SRPK2: variants seen among roughly 807,000 people sequenced by gnomAD.
SRPK2 encodes SFRS protein kinase 2.
In SRPK2, 21 loss-of-function variants were observed where a neutral mutation model predicts 90.8. The observed-to-expected ratio is 0.23, with a 90% CI of 0.16 to 0.33. The LOEUF (loss-of-function observed/expected upper bound fraction) is 0.33, where lower values mean the gene tolerates loss of function less well. Among genes scored for constraint, SRPK2 ranks in the 10% least tolerant of loss-of-function variants. SRPK2 has a pLI of 1.00. For missense variants in SRPK2, 620 were observed against 869.0 expected (o/e 0.71, Z 3.60); for synonymous variants, 288 against 311.1 (o/e 0.93, Z 0.78).
intron 2 of SRPK2, among the ~76,000 whole-genome samples, chr7:105,284,131 C>A (rs1187751285): frequency 2.0e-5 from 3 of 151,898 alleles, no homozygotes; most frequent in Non-Finnish European, 4.4e-5. Context: ...GGATAAGAAA[C>A]CGGGGCGGTC....
Position 105,129,478 on chromosome 7 carries a change from G to A in SRPK2, c.1753-2416C>T, listed in dbSNP as rs143342390. On this transcript the variant is annotated intron_variant, in intron 13 of 15. Coordinates refer to ENST00000393651, the MANE Select transcript of SRPK2 (RefSeq NM_182692.3). ...CAACCTCTGCCTCCTGGGTTCAAGC[G>A]ATTCTCCTGCCTCAGCCACCTGAGT... 9.5e-3 allele frequency among the ~76,000 whole-genome samples: 1,451 copies of A among 152,046 alleles called. 11 individuals carry two copies. The highest frequency in any genetic ancestry group is 0.034 in the Middle Eastern group (10 of 292).
intron 2 of SRPK2, among the ~76,000 whole-genome samples, chr7:105,339,317 T>G (rs1222940338): frequency 6.6e-6 from 1 of 152,204 alleles, no homozygotes; most frequent in Non-Finnish European, 1.5e-5. Flanking sequence ...AAACTAGTTT[T>G]GGGGTTCTTA....
At chr7:105,308,837 A>T (rs1310535502) in intron 2 of SRPK2, among the ~76,000 whole-genome samples, 1 of 152,148 alleles carries the variant, frequency 6.6e-6, no homozygotes, top group Non-Finnish European at 1.5e-5. Flanking sequence ...ACTCCACGAA[A>T]ACTAAACAGG....
intron 7 of SRPK2, among the ~76,000 whole-genome samples, chr7:105,155,482 G>C (rs1212294024): frequency 6.6e-6 from 1 of 152,224 alleles, no homozygotes; most frequent in Non-Finnish European, 1.5e-5. Context: ...TTCTCAGTGA[G>C]AGGAAAACTG....
chr7:105,373,155 C>A (rs1418623467), intron 2 of SRPK2, among the ~76,000 whole-genome samples: 3 of 152,052 alleles, frequency 2.0e-5, no homozygotes, highest in African/African-American at 4.8e-5. Flanking sequence ...TCTCTCTAAT[C>A]CTTAGTTCCA....
chr7:105,355,534 G>T (rs1179669750), intron 2 of SRPK2, among the ~76,000 whole-genome samples: 2 of 151,970 alleles, frequency 1.3e-5, no homozygotes, highest in South Asian at 2.1e-4. Flanking sequence ...CACACCTGTG[G>T]TCCCAGCTAC....
chr7:105,262,284 G>A (rs1203124728), intron 2 of SRPK2, among the ~76,000 whole-genome samples: 1 of 152,090 alleles, frequency 6.6e-6, no homozygotes, highest in East Asian at 1.9e-4. Context: ...TTTTATTTAG[G>A]TATATGATAC....
intron 2 of SRPK2, among the ~76,000 whole-genome samples, chr7:105,214,567 C>A (rs1043575727): frequency 3.9e-5 from 6 of 152,044 alleles, no homozygotes; most frequent in African/African-American, 1.5e-4. Flanking sequence ...AATTATGGCA[C>A]AACCATACAA....
intron 7 of SRPK2, among the ~76,000 whole-genome samples, chr7:105,159,462 A>AAAAAAAAAAAAAAAAAAAC (rs1807147080): frequency 6.8e-6 from 1 of 147,804 alleles, no homozygotes; most frequent in African/African-American, 2.5e-5. Flanking sequence ...AAAAAAAAAA[A>AAAAAAAAAAAAAAAAAAAC]AAAAAAAAAA....
chr7:105,306,723 A>C, intron 2 of SRPK2: 1 of 231,806 alleles, frequency 4.3e-6, no homozygotes, highest in Non-Finnish European at 8.9e-6. Flanking sequence ...TGCTGTATAC[A>C]TCTCTAACTT....
intron 3 of SRPK2, among the ~76,000 whole-genome samples, chr7:105,196,963 T>C (rs560951624): frequency 2.0e-5 from 3 of 151,992 alleles, no homozygotes; most frequent in Non-Finnish European, 4.4e-5. Flanking sequence ...GGCAGGAGAA[T>C]TGTTTGTACC....
intron 2 of SRPK2, among the ~76,000 whole-genome samples, chr7:105,319,859 C>CTTT (rs112566629): frequency 6.8e-6 from 1 of 146,766 alleles, no homozygotes. Flanking sequence ...CACTTCCCCC[C>CTTT]CTTTTTTTTT....
intron 2 of SRPK2, among the ~76,000 whole-genome samples, chr7:105,380,407 A>G: frequency 6.6e-6 from 1 of 152,150 alleles, no homozygotes; most frequent in Non-Finnish European, 1.5e-5. Context: ...TGCACTTTAC[A>G]TACATGCATA....
At chr7:105,350,323 G>C (rs956281618) in intron 2 of SRPK2, among the ~76,000 whole-genome samples, 1 of 150,696 alleles carries the variant, frequency 6.6e-6, no homozygotes, top group Admixed American at 6.7e-5. Context: ...GTAGAGACAG[G>C]GTTTCACCAT....
chr7:105,238,263 T>C (rs1800370445), intron 2 of SRPK2, among the ~76,000 whole-genome samples: 1 of 152,214 alleles, frequency 6.6e-6, no homozygotes, highest in Non-Finnish European at 1.5e-5. Context: ...ATCGTCGTCA[T>C]CATCCTCATC....
At chr7:105,136,496 A>C (rs1295352318) in intron 11 of SRPK2, among the ~76,000 whole-genome samples, 1 of 152,202 alleles carries the variant, frequency 6.6e-6, no homozygotes, top group Non-Finnish European at 1.5e-5. Context: ...CTCTGCTTCC[A>C]CTAAGAGGGG....
intron 15 of SRPK2, among the ~76,000 whole-genome samples, chr7:105,123,410 G>A (rs1055381928): frequency 6.6e-6 from 1 of 152,098 alleles, no homozygotes; most frequent in African/African-American, 2.4e-5. Context: ...GAGAAAGAGC[G>A]GGAAAACCTC....
chr7:105,207,515 G>A (rs1353427580), intron 2 of SRPK2, among the ~76,000 whole-genome samples: 1 of 152,114 alleles, frequency 6.6e-6, no homozygotes, highest in African/African-American at 2.4e-5. Flanking sequence ...AAGTATATAA[G>A]CAGCAATGGC....
At chr7:105,147,027 G>A (rs1468977325) in intron 7 of SRPK2, among the ~76,000 whole-genome samples, 1 of 152,148 alleles carries the variant, frequency 6.6e-6, no homozygotes, top group Non-Finnish European at 1.5e-5. Context: ...AAGATAATGA[G>A]GATGAAGACC....
Sources: allele counts gnomAD v4.1 joint callset (sites outside exome capture counted in the v4.1 genomes callset), GRCh38; gene constraint gnomAD v4.1.1; transcripts MANE v1.5; gene names NCBI Gene and HGNC (gene_info 2026-07-23, HGNC 2026-07-21).